The following SFI1 variants were observed in gnomAD, a reference collection of about 807,000 sequenced individuals.
SFI1 encodes the protein SFI1 centrin binding protein, also known as protein SFI1 homolog.
Under a neutral mutation model 207.5 loss-of-function variants are expected in SFI1, and 195 were observed. The ratio of observed to expected loss-of-function variants is 0.94; its 90% confidence interval spans 0.84 to 1.06. SFI1 has a LOEUF of 1.06. Among genes scored for constraint, SFI1 ranks in the 50% least tolerant of loss-of-function variants. SFI1 has a pLI of 0.00. For synonymous variants in SFI1, 630 were observed against 598.9 expected, an observed-to-expected ratio of 1.05 and a Z score of -0.76; for missense variants, 1,634 against 1,588.0, an observed-to-expected ratio of 1.03 and a Z score of -0.49.
intron 4 of SFI1, among the ~76,000 whole-genome samples, chr22:31,540,513 C>T (rs2059381455): frequency 6.6e-6 from 1 of 151,572 alleles, no homozygotes; most frequent in Admixed American, 6.6e-5. Context: ...AACTCCTGAC[C>T]TTGTGATCCA....
chr22:31,575,282 ACTGGCAGCAGGC>A lies in SFI1; in HGVS notation c.979_990del (p.Gln327_Trp330del). On this transcript the variant is annotated inframe_deletion, in exon 10 of 33. Coordinates refer to ENST00000400288, the MANE Select transcript of SFI1 (RefSeq NM_001007467.3). ...ACTGTGCTCCAGATATACTTCTGTG[ACTGGCAGCAGGC>A]CTGGGAGCGGAGGGAGAGCTTGTAC... is the stretch of plus-strand genomic sequence containing the variant. The A allele has an allele frequency of 6.2e-7, 1 of 1,613,002 alleles. No individual in the cohort carries two copies. Among genetic ancestry groups the A allele is most frequent in the Non-Finnish European group, 8.5e-7 (1 of 1,179,610 alleles).
intron 8 of SFI1, among the ~76,000 whole-genome samples, chr22:31,567,570 G>T (rs56404793): frequency 1.3e-4 from 18 of 136,542 alleles, no homozygotes; most frequent in South Asian, 6.6e-4. Flanking sequence ...GTTTGTGGAG[G>T]GGGGGGGTGT....
intron 2 of SFI1, among the ~76,000 whole-genome samples, chr22:31,516,529 AAAAG>A (rs1156411756): frequency 1.3e-5 from 2 of 151,230 alleles, no homozygotes; most frequent in African/African-American, 4.9e-5. Context: ...AAAGAAAAAA[AAAAG>A]AAAGCCAGGC....
intron 3 of SFI1, chr22:31,530,721 G>A: frequency 2.3e-6 from 1 of 434,536 alleles, no homozygotes; most frequent in Non-Finnish European, 4.7e-6. Flanking sequence ...TTACATTGGA[G>A]AAGGTTCAGG....
chr22:31,575,841 T>C (rs996622790), intron 10 of SFI1, among the ~76,000 whole-genome samples: 3 of 152,230 alleles, frequency 2.0e-5, no homozygotes, highest in Non-Finnish European at 2.9e-5. Flanking sequence ...ATTGCGCTTT[T>C]ACTACGTAGC....
intron 4 of SFI1, among the ~76,000 whole-genome samples, chr22:31,546,047 C>T (rs147664905): frequency 9.9e-5 from 15 of 151,956 alleles, no homozygotes; most frequent in East Asian, 9.7e-4. Context: ...AGCATGCCCC[C>T]GCTATGCCTG....
At chr22:31,577,645 C>T (rs1050135055) in intron 10 of SFI1, among the ~76,000 whole-genome samples, 1 of 152,060 alleles carries the variant, frequency 6.6e-6, no homozygotes, top group Admixed American at 6.6e-5. Flanking sequence ...TTGGGAGGAT[C>T]GCTTGAACTC....
intron 28 of SFI1, 78 bp downstream of exon 28, chr22:31,614,938 G>A (rs940887024): frequency 6.3e-7 from 1 of 1,584,088 alleles, no homozygotes; most frequent in Admixed American, 1.8e-5. Context: ...CCTCCATGTG[G>A]GGCCTGTGTT....
intron 7 of SFI1, among the ~76,000 whole-genome samples, chr22:31,560,940 TA>T (rs1315536551): frequency 6.6e-6 from 1 of 152,066 alleles, no homozygotes; most frequent in Non-Finnish European, 1.5e-5. Flanking sequence ...TGACCTCAGG[TA>T]ATCCACTCTC....
Position 31,531,079 on chromosome 22 carries a change from A to G in SFI1, c.288A>G (p.Leu96=), listed in dbSNP as rs778392542. The change falls in exon 4 of 33, where the codon TTA becomes TTG. Residue 96 remains leucine, a synonymous_variant. Coordinates refer to ENST00000400288, the MANE Select transcript of SFI1 (RefSeq NM_001007467.3). ...LRIRCVARKF[L]YLWIRMTFGR... ...TCAGATGCGTGGCCAGAAAGTTCTT[A>G]TATTTATGGATTCGAATGACTTTTG... The G allele has an allele frequency of 6.2e-6, 10 of 1,613,254 alleles. No individual in the cohort carries two copies. Among genetic ancestry groups the G allele is most frequent in the Non-Finnish European group, 2.5e-6 (3 of 1,179,822 alleles).
Position 31,611,003 on chromosome 22 carries a change from T to C in SFI1, c.2255-140T>C, listed in dbSNP as rs2070009335. 10 of 1,099,840 alleles carry C rather than the reference T, an allele frequency of 9.1e-6. No homozygotes were observed. In the East Asian group the frequency reaches 2.4e-4, roughly 26 times the overall value. The allele number at this position is 1,099,840 out of a possible 1,614,324, so 68.1% of individuals were successfully genotyped here. ...GTCCCTAGAGAGGGGCCATGGTCCA[T>C]GTGTGGTAGTTTCACCATGTGGGCT... On this transcript the variant is annotated intron_variant, in intron 22 of 32. Transcript: ENST00000400288.
rs190307856 is a variant in SFI1 at position 31,536,787 on chromosome 22, A to G, written c.338+5658A>G. Among the ~76,000 whole-genome samples, 110 of 152,338 alleles carry G rather than the reference A, an allele frequency of 7.2e-4. No individual in the cohort carries two copies. The East Asian group carries it at 0.012, about 17-fold the overall frequency. On this transcript the variant is annotated intron_variant, in intron 4 of 32. Transcript: ENST00000400288. ...TTGACTGGGAACCTCTTTTCAAATA[A>G]TGCCTTCCAAGTCCTTGGGAAATGC...
At chr22:31,603,873 G>C in intron 18 of SFI1, 54 bp downstream of exon 18, 3 of 1,522,998 alleles carry the variant, frequency 2.0e-6, no homozygotes, top group Non-Finnish European at 2.6e-6. Flanking sequence ...CAGGTGGGCT[G>C]TGTGTCAGCA....
chr22:31,510,273 C>A (rs1251158276), intron 2 of SFI1, among the ~76,000 whole-genome samples: 1 of 152,074 alleles, frequency 6.6e-6, no homozygotes, highest in Non-Finnish European at 1.5e-5. Context: ...CAGCTCAGTG[C>A]AGTTTCTAAC....
At chr22:31,512,958 T>G (rs1488137899) in intron 2 of SFI1, among the ~76,000 whole-genome samples, 1 of 152,170 alleles carries the variant, frequency 6.6e-6, no homozygotes, top group Non-Finnish European at 1.5e-5. Context: ...AGTGCTGGGA[T>G]TACAGGCATG....
intron 8 of SFI1, among the ~76,000 whole-genome samples, chr22:31,561,753 G>GA (rs2061727253): frequency 6.6e-6 from 1 of 152,198 alleles, no homozygotes; most frequent in Admixed American, 6.5e-5. Context: ...ACTTAAGACT[G>GA]AAAAGAAAAC....
At chr22:31,602,831 C>G in intron 17 of SFI1, 46 bp downstream of exon 17, 1 of 1,588,870 alleles carries the variant, frequency 6.3e-7, no homozygotes, top group Non-Finnish European at 8.6e-7. Flanking sequence ...CACAGGCCAG[C>G]TTTGCTTGTT....
chr22:31,595,232 G>A (rs922942488), intron 15 of SFI1, among the ~76,000 whole-genome samples: 1 of 152,246 alleles, frequency 6.6e-6, no homozygotes, highest in Admixed American at 6.5e-5. Flanking sequence ...TCCTGACCTC[G>A]TGATCCACCC....
At chr22:31,616,182 G>A (rs2071402892) in intron 29 of SFI1, 1 of 152,266 alleles carries the variant, frequency 6.6e-6, no homozygotes, top group Non-Finnish European at 1.5e-5. Flanking sequence ...AAAGCAGCTG[G>A]TTCCTGAAAG....
Sources: allele counts gnomAD v4.1 joint callset (sites outside exome capture counted in the v4.1 genomes callset), GRCh38; gene constraint gnomAD v4.1.1; transcripts MANE v1.5; gene names NCBI Gene and HGNC (gene_info 2026-07-23, HGNC 2026-07-21).